Variants in LEKR1 observed in about 807,000 individuals in gnomAD.
LEKR1 encodes protein LEKR1.
LEKR1 carries 59 observed loss-of-function variants against 72.4 expected under a neutral mutation model. The observed-to-expected ratio is 0.82, with a 90% CI of 0.66 to 1.01. The LOEUF (loss-of-function observed/expected upper bound fraction) is 1.01, where lower values mean the gene tolerates loss of function less well. Among genes scored for constraint, LEKR1 ranks in the 50% least tolerant of loss-of-function variants. The pLI is 0.00. For missense variants in LEKR1, 728 were observed against 759.2 expected, an observed-to-expected ratio of 0.96 and a Z score of 0.48; for synonymous variants, 257 against 263.2, an observed-to-expected ratio of 0.98 and a Z score of 0.23.
intron 7 of LEKR1, among the ~76,000 whole-genome samples, chr3:156,980,725 G>C (rs1470186485): frequency 2.6e-5 from 4 of 152,192 alleles, no homozygotes; most frequent in Non-Finnish European, 5.9e-5. Context: ...TAGGGAGGTG[G>C]TGTTAGCACA....
At chr3:156,870,518 T>A (rs968109219) in intron 3 of LEKR1, among the ~76,000 whole-genome samples, 2 of 152,152 alleles carry the variant, frequency 1.3e-5, no homozygotes, top group Non-Finnish European at 2.9e-5. Context: ...GAAACATTAC[T>A]GATTTTTGTA....
chr3:157,045,833 A>G lies in LEKR1; in HGVS notation c.*83A>G. 1 of 1,216,018 alleles carries G rather than the reference A, an allele frequency of 8.2e-7. No individual in the cohort carries two copies. The highest frequency in any genetic ancestry group is 1.2e-6 in the Non-Finnish European group (1 of 867,048). 75.3% of individuals were successfully genotyped at this position (1,216,018 alleles called of 1,614,324 possible). Reference sequence around the variant, plus strand: ...GGAATTCACTGTAACTGAGAATGACAATGATAAAATTATTTTCACAGATCA... The same window carrying G: ...GGAATTCACTGTAACTGAGAATGACGATGATAAAATTATTTTCACAGATCA... On this transcript the variant is annotated 3_prime_UTR_variant, in exon 13 of 13. Coordinates refer to ENST00000356539, the MANE Select transcript of LEKR1 (RefSeq NM_001004316.3).
chr3:157,023,911 T>C (rs1331731032), intron 10 of LEKR1, among the ~76,000 whole-genome samples: 4 of 152,182 alleles, frequency 2.6e-5, no homozygotes, highest in African/African-American at 7.2e-5. Flanking sequence ...CCATCATAAA[T>C]TGAAGGTATT....
intron 3 of LEKR1, among the ~76,000 whole-genome samples, chr3:156,857,799 A>G (rs1716255884): frequency 6.6e-6 from 1 of 152,246 alleles, no homozygotes; most frequent in Non-Finnish European, 1.5e-5. Flanking sequence ...AATATTTTAC[A>G]TAGCTATTTG....
In LEKR1 at chr3:156,986,511, A is replaced by G. The variant is rs1177453043; in HGVS notation, c.828-6142A>G. ...TCAATCTGATTTACTGATAGAGAAA[A>G]TGTGACTGGGGAGCAAGAAGACTGG... is the stretch of plus-strand genomic sequence containing the variant. On this transcript the variant is annotated intron_variant, in intron 7 of 12. Transcript: ENST00000356539. 2.0e-5 allele frequency among the ~76,000 whole-genome samples: 3 copies of G among 152,164 alleles called. No homozygotes were observed. In the South Asian group the frequency reaches 6.2e-4, roughly 32 times the overall value.
chr3:156,928,605 G>A (rs1724940864), intron 5 of LEKR1, among the ~76,000 whole-genome samples: 1 of 152,056 alleles, frequency 6.6e-6, no homozygotes, highest in African/African-American at 2.4e-5. Context: ...CTAGAGGATA[G>A]AGATCAAGGC....
rs144397639 is a variant in LEKR1, at chr3:156,888,370, C to A, written c.264-32205C>A. 8.2e-4 allele frequency: 574 copies of A among 702,326 alleles called. 9 individuals are homozygous for A. In the East Asian group the frequency reaches 0.01, roughly 13 times the overall value. 43.5% of individuals were successfully genotyped at this position (702,326 alleles called of 1,614,324 possible). A position where few individuals can be genotyped will look rare whatever the true frequency, so the allele number is the denominator to read the frequency against. The stretch of plus-strand genomic sequence containing the variant: ...GCTGAAAGAACGAATGCCAGATCTA[C>A]AACATTCTGTCACTGAGCCATACAT... On this transcript the variant is annotated intron_variant, in intron 3 of 12. Transcript: ENST00000356539.
chr3:156,899,372 A>ATG (rs1491373810), intron 3 of LEKR1, among the ~76,000 whole-genome samples: 1 of 118,366 alleles, frequency 8.4e-6, no homozygotes, highest in Non-Finnish European at 1.7e-5. Context: ...ACATATATAC[A>ATG]TATATACACA....
At chr3:156,987,136 T>C (rs191325658) in intron 7 of LEKR1, among the ~76,000 whole-genome samples, 1 of 151,972 alleles carries the variant, frequency 6.6e-6, no homozygotes, top group Non-Finnish European at 1.5e-5. Flanking sequence ...TTGTAACAAT[T>C]GAAGAGAAAG....
chr3:156,977,000 A>G (rs1432757911), intron 6 of LEKR1, among the ~76,000 whole-genome samples: 1 of 152,214 alleles, frequency 6.6e-6, no homozygotes, highest in Non-Finnish European at 1.5e-5. Flanking sequence ...AGTGGACCTC[A>G]CAGTAAACAA....
At chr3:157,003,717 A>T (rs532065207) in intron 9 of LEKR1, among the ~76,000 whole-genome samples, 2 of 152,318 alleles carry the variant, frequency 1.3e-5, no homozygotes, top group South Asian at 4.1e-4. Context: ...ATATAAGGAA[A>T]CATACTCACA....
intron 6 of LEKR1, among the ~76,000 whole-genome samples, chr3:156,951,834 G>A (rs960705981): frequency 6.6e-6 from 1 of 151,334 alleles, no homozygotes; most frequent in Non-Finnish European, 1.5e-5. Context: ...GAATGTTTTT[G>A]TGTGTCTTTA....
At chr3:156,952,760 A>T (rs1727280047) in intron 6 of LEKR1, among the ~76,000 whole-genome samples, 2 of 151,706 alleles carry the variant, frequency 1.3e-5, no homozygotes, top group South Asian at 2.1e-4. Flanking sequence ...AGATTTGCAA[A>T]GTTATTCTTT....
chr3:156,867,987 A>G (rs571171532), intron 3 of LEKR1, among the ~76,000 whole-genome samples: 72 of 152,210 alleles, frequency 4.7e-4, no homozygotes, highest in Non-Finnish European at 1.8e-4. Flanking sequence ...TATATTGTAA[A>G]TGATTTCCAT....
intron 3 of LEKR1, among the ~76,000 whole-genome samples, chr3:156,861,299 T>C (rs1716735163): frequency 6.6e-6 from 1 of 152,162 alleles, no homozygotes; most frequent in Admixed American, 6.6e-5. Context: ...AGGCTTCTGC[T>C]TTTTGTACTT....
At chr3:156,829,402 C>T in intron 2 of LEKR1, 25 bp downstream of exon 2, 2 of 1,488,380 alleles carry the variant, frequency 1.3e-6, no homozygotes, top group Non-Finnish European at 1.8e-6. Flanking sequence ...GTTGCTACAG[C>T]CTAACAGTGG....
intron 1 of LEKR1, among the ~76,000 whole-genome samples, chr3:156,828,746 A>C (rs1482593923): frequency 2.6e-5 from 4 of 152,152 alleles, no homozygotes; most frequent in Non-Finnish European, 5.9e-5. Flanking sequence ...TCTTAGATAA[A>C]ATTGGCACTT....
At chr3:156,851,594 A>G (rs1715372988) in intron 2 of LEKR1, among the ~76,000 whole-genome samples, 1 of 152,200 alleles carries the variant, frequency 6.6e-6, no homozygotes, top group Non-Finnish European at 1.5e-5. Flanking sequence ...ATTAATCTAT[A>G]TCCCATAATA....
chr3:157,021,301 A>G (rs535683423), intron 10 of LEKR1, among the ~76,000 whole-genome samples: 32 of 151,566 alleles, frequency 2.1e-4, no homozygotes, highest in African/African-American at 7.7e-4. Flanking sequence ...CCATTTGTCA[A>G]TTTTGTCTTT....
Sources: allele counts gnomAD v4.1 joint callset (sites outside exome capture counted in the v4.1 genomes callset), GRCh38; gene constraint gnomAD v4.1.1; transcripts MANE v1.5; gene names NCBI Gene and HGNC (gene_info 2026-07-23, HGNC 2026-07-21).